PDE4D: variants seen among roughly 807,000 people sequenced by gnomAD.
PDE4D encodes phosphodiesterase 4D, also known as 3',5'-cyclic-AMP phosphodiesterase 4D.
PDE4D carries 24 observed loss-of-function variants against 87.4 expected under a neutral mutation model. The observed-to-expected ratio is 0.27, with a 90% CI of 0.20 to 0.39. The LOEUF is 0.39. Ranked by LOEUF, PDE4D falls within the 10% of genes least tolerant of loss-of-function variation. The pLI, the probability that PDE4D is intolerant of heterozygous loss-of-function variation, is 1.00. For missense variants in PDE4D, 714 were observed against 1,041.0 expected, an observed-to-expected ratio of 0.69 and a Z score of 4.32; for synonymous variants, 384 against 383.2, an observed-to-expected ratio of 1.00 and a Z score of -0.02.
Position 59,674,650 on chromosome 5 carries a change from A to G in PDE4D, c.455+218518T>C, listed in dbSNP as rs536353628. Among the ~76,000 whole-genome samples the G allele has an allele frequency of 4.6e-5, 7 of 152,222 alleles. No individual in the cohort carries two copies. In the East Asian group the frequency reaches 1.2e-3, roughly 25 times the overall value. Reference sequence around the variant, plus strand: ...TCCATGTCCAAATGGCTTTCTTTCCATGAGTTATCCATCTTACAGAAAGGG... The same window carrying G: ...TCCATGTCCAAATGGCTTTCTTTCCGTGAGTTATCCATCTTACAGAAAGGG... On this transcript the variant is annotated intron_variant, in intron 1 of 14. Coordinates refer to ENST00000340635, the MANE Select transcript of PDE4D (RefSeq NM_001104631.2).
At chr5:60,210,103 T>C (rs1743016305) in intron 1 of PDE4D, among the ~76,000 whole-genome samples, 1 of 152,076 alleles carries the variant, frequency 6.6e-6, no homozygotes, top group South Asian at 2.1e-4. Context: ...AGATTCTAAA[T>C]TGGGAAAAAA....
intron 1 of PDE4D, among the ~76,000 whole-genome samples, chr5:59,881,259 AT>A (rs1024732212): frequency 2.6e-5 from 4 of 152,208 alleles, no homozygotes; most frequent in Non-Finnish European, 4.4e-5. Flanking sequence ...CAGAGTATTT[AT>A]AATTTATTAA....
At chr5:59,149,444 A>G (rs1348823545) in intron 5 of PDE4D, among the ~76,000 whole-genome samples, 1 of 152,164 alleles carries the variant, frequency 6.6e-6, no homozygotes, top group African/African-American at 2.4e-5. Context: ...CAAACCGCAG[A>G]GAAGCTGGCT....
intron 1 of PDE4D, among the ~76,000 whole-genome samples, chr5:60,204,175 T>G (rs1406154701): frequency 6.6e-6 from 1 of 152,202 alleles, no homozygotes; most frequent in Non-Finnish European, 1.5e-5. Context: ...GTCTTTTATC[T>G]GTCTGTCTGT....
chr5:60,283,826 G>A (rs1369726400), intron 1 of PDE4D, among the ~76,000 whole-genome samples: 1 of 152,074 alleles, frequency 6.6e-6, no homozygotes, highest in Non-Finnish European at 1.5e-5. Flanking sequence ...ATTTGAGGGA[G>A]GCTCATGAAC....
intron 1 of PDE4D, among the ~76,000 whole-genome samples, chr5:59,256,817 TA>T (rs1464540224): frequency 1.3e-5 from 2 of 152,070 alleles, no homozygotes; most frequent in Non-Finnish European, 2.9e-5. Context: ...AGATATTAAC[TA>T]ACAACTACGT....
At chr5:59,155,819 G>A (rs557721685) in intron 5 of PDE4D, among the ~76,000 whole-genome samples, 4 of 152,134 alleles carry the variant, frequency 2.6e-5, no homozygotes, top group African/African-American at 9.7e-5. Context: ...CAGAAGGGAG[G>A]AAGGGATTAT....
intron 2 of PDE4D, among the ~76,000 whole-genome samples, chr5:60,073,288 T>C (rs945931787): frequency 6.6e-6 from 1 of 152,074 alleles, no homozygotes; most frequent in Non-Finnish European, 1.5e-5. Context: ...TTTGCATTGG[T>C]CCTGTTTATG....
At chr5:58,982,723 G>A (rs1745503220) in intron 11 of PDE4D, among the ~76,000 whole-genome samples, 1 of 152,182 alleles carries the variant, frequency 6.6e-6, no homozygotes, top group African/African-American at 2.4e-5. Context: ...GCCTTGGTGA[G>A]TGGAAGTCCA....
At chr5:59,601,418 CTTTTT>C (rs11331261) in intron 1 of PDE4D, among the ~76,000 whole-genome samples, 2 of 146,888 alleles carry the variant, frequency 1.4e-5, no homozygotes, top group Non-Finnish European at 3.0e-5. Flanking sequence ...TTCTGGTTTG[CTTTTT>C]TTTTTTTTAA....
At chr5:59,042,368 ACAGGAAATTGAGTCAC>A (rs1220647000) in intron 5 of PDE4D, among the ~76,000 whole-genome samples, 1 of 152,178 alleles carries the variant, frequency 6.6e-6, no homozygotes, top group Non-Finnish European at 1.5e-5. Flanking sequence ...CAACTATCCC[ACAGGAAATTGAGTCAC>A]CACACCAAGC....
At chr5:59,200,034 C>CACACACACGTATGT (rs201018241) in intron 2 of PDE4D, among the ~76,000 whole-genome samples, 1 of 145,798 alleles carries the variant, frequency 6.9e-6, no homozygotes, top group African/African-American at 2.6e-5. Context: ...TACATACATG[C>CACACACACGTATGT]ACACACACGT....
At chr5:60,131,530 T>C (rs1348720367) in intron 2 of PDE4D, among the ~76,000 whole-genome samples, 1 of 152,234 alleles carries the variant, frequency 6.6e-6, no homozygotes, top group Non-Finnish European at 1.5e-5. Context: ...GTTTATATTA[T>C]TTCTCTTATA....
chr5:59,483,521 C>A (rs973114116), intron 1 of PDE4D, among the ~76,000 whole-genome samples: 2 of 152,010 alleles, frequency 1.3e-5, no homozygotes, highest in Non-Finnish European at 1.5e-5. Flanking sequence ...TTTTTTCTTA[C>A]AATTTTATTT....
chr5:60,028,761 T>C (rs1432854845), intron 2 of PDE4D, among the ~76,000 whole-genome samples: 1 of 152,194 alleles, frequency 6.6e-6, no homozygotes, highest in African/African-American at 2.4e-5. Context: ...TGATCTTTGA[T>C]CTCAATATAA....
chr5:59,229,741 T>A (rs1017005961), intron 1 of PDE4D, among the ~76,000 whole-genome samples: 4 of 152,196 alleles, frequency 2.6e-5, no homozygotes, highest in Non-Finnish European at 5.9e-5. Flanking sequence ...CAGGAAAGAA[T>A]AAGAAAAGAA....
chr5:59,363,140 A>C (rs1782493751), intron 1 of PDE4D, among the ~76,000 whole-genome samples: 1 of 152,102 alleles, frequency 6.6e-6, no homozygotes, highest in South Asian at 2.1e-4. Flanking sequence ...GTGTTTATTG[A>C]CCTTGCTGAG....
chr5:59,259,180 G>T (rs1168242968), intron 1 of PDE4D, among the ~76,000 whole-genome samples: 1 of 151,728 alleles, frequency 6.6e-6, no homozygotes, highest in Non-Finnish European at 1.5e-5. Context: ...AAACTGGCTA[G>T]CATTTTTTTT....
intron 1 of PDE4D, among the ~76,000 whole-genome samples, chr5:60,303,147 C>A (rs745966349): frequency 4.0e-5 from 6 of 150,890 alleles, no homozygotes; most frequent in Non-Finnish European, 7.4e-5. Flanking sequence ...CCTCTTAACA[C>A]CGCTTTAGCT....
Sources: gnomAD v4.1 joint callset for allele counts (sites outside exome capture counted in the v4.1 genomes callset) on GRCh38, gnomAD v4.1.1 for gene constraint, MANE v1.5 for transcripts, NCBI Gene and HGNC (gene_info 2026-07-23, HGNC 2026-07-21) for gene names.